Variants in ALDH1L2 observed in about 807,000 individuals in gnomAD.
The protein encoded by ALDH1L2 is mitochondrial 10-formyltetrahydrofolate dehydrogenase.
ALDH1L2 carries 91 observed loss-of-function variants against 111.0 expected under a neutral mutation model. That is an observed-to-expected ratio of 0.82 (90% CI 0.69 to 0.98). The LOEUF is 0.98. Ranked by LOEUF, ALDH1L2 falls within the 50% of genes least tolerant of loss-of-function variation. The pLI, the probability that ALDH1L2 is intolerant of heterozygous loss-of-function variation, is 0.00. For synonymous variants in ALDH1L2, 374 were observed against 392.6 expected (o/e 0.95, Z 0.56); for missense variants, 995 against 1,126.8 (o/e 0.88, Z 1.67).
At chr12:105,071,757 T>C (rs7974532) in intron 2 of ALDH1L2, among the ~76,000 whole-genome samples, 121,021 of 140,902 alleles carry the variant, frequency 0.86, 52,160 homozygotes, top group South Asian at 0.94. Flanking sequence ...CCCGGGTTCA[T>C]GCCATTCTCC....
intron 16 of ALDH1L2, 41 bp from the exon 17 acceptor site, chr12:105,039,847 A>C: frequency 9.5e-6 from 15 of 1,583,624 alleles, no homozygotes; most frequent in East Asian, 2.2e-5. Context: ...AAACATACTC[A>C]AGGCCGGGCG....
In ALDH1L2 at chr12:105,049,072, G is replaced by A. The variant is rs374653748; in HGVS notation, c.1686+836C>T. On this transcript the variant is annotated intron_variant, in intron 13 of 22. Coordinates refer to ENST00000258494, the MANE Select transcript of ALDH1L2 (RefSeq NM_001034173.4). ...ATTTTTTTTTAATTTATTTCTCCTA[G>A]GACACATATTCAAAGACAAAGTTTT... Among the ~76,000 whole-genome samples, 9 of 151,972 alleles carry A rather than the reference G, an allele frequency of 5.9e-5. No homozygotes were observed. The East Asian group carries it at 1.5e-3, about 26-fold the overall frequency.
At chr12:105,037,210 A>G (rs1389343492) in intron 18 of ALDH1L2, among the ~76,000 whole-genome samples, 2 of 151,890 alleles carry the variant, frequency 1.3e-5, no homozygotes, top group South Asian at 2.1e-4. Flanking sequence ...AACTAGGCCA[A>G]TTTTTTTTAA....
At position 105,024,248 on chromosome 12, in the gene ALDH1L2, G is replaced by A. The variant is rs1330377006; in HGVS notation, c.*176C>T. The A allele has an allele frequency of 4.6e-6, 3 of 648,074 alleles. No individual in the cohort carries two copies. The African/African-American group carries it at 5.5e-5, about 12-fold the overall frequency. 40.1% of individuals were successfully genotyped at this position (648,074 alleles called of 1,614,324 possible). On this transcript the variant is annotated 3_prime_UTR_variant, in exon 23 of 23. Coordinates refer to ENST00000258494, the MANE Select transcript of ALDH1L2 (RefSeq NM_001034173.4). ...CTCCAAATCACTGGAAGGTGTATTA[G>A]AAAATACTCAGGCACATGTGTAAAT...
intron 19 of ALDH1L2, among the ~76,000 whole-genome samples, chr12:105,032,938 T>C (rs1461358142): frequency 6.6e-6 from 1 of 152,202 alleles, no homozygotes; most frequent in East Asian, 1.9e-4. Flanking sequence ...CGAAAAATAA[T>C]CTTTACTGCA....
In ALDH1L2 at chr12:105,084,392, G is replaced by A. The variant is rs1161154851; in HGVS notation, c.45C>T (p.Gly15=). The A allele has an allele frequency of 4.0e-6, 6 of 1,502,326 alleles. No individual in the cohort carries two copies. In the African/African-American group the frequency reaches 8.6e-5, roughly 22 times the overall value. The allele number at this position is 1,502,326 out of a possible 1,614,324, so 93.1% of individuals were successfully genotyped here. ...GSQALRRFST[G]RVYFKNKLKL... ...CGCTCGCCCGGGCCGGACTCACCCG[G>A]CCAGTGGAGAAGCGCCGGAGCGCCT... The change falls in exon 1 of 23, where the codon GGC becomes GGT. Residue 15 remains glycine (G), a synonymous_variant. Coordinates refer to ENST00000258494, the MANE Select transcript of ALDH1L2 (RefSeq NM_001034173.4).
At position 105,021,183 on chromosome 12, in the gene ALDH1L2, G is replaced by A. The variant is rs1175923131; in HGVS notation, c.*3241C>T. 2.0e-5 allele frequency: 3 copies of A among 152,198 alleles called. No homozygotes were observed. Among genetic ancestry groups the A allele is most frequent in the South Asian group, 2.1e-4 (1 of 4,834 alleles). 9.4% of individuals were successfully genotyped at this position (152,198 alleles called of 1,614,324 possible). On this transcript the variant is annotated 3_prime_UTR_variant, in exon 23 of 23. Coordinates refer to ENST00000258494, the MANE Select transcript of ALDH1L2 (RefSeq NM_001034173.4). ...GTTGGACTTTGGTCTACGTGAAATG[G>A]GGGCCATTGAAAGGTTTTAAACAGA...
chr12:105,058,956 G>T (rs1876808748), intron 9 of ALDH1L2, among the ~76,000 whole-genome samples: 1 of 151,218 alleles, frequency 6.6e-6, no homozygotes, highest in African/African-American at 2.4e-5. Flanking sequence ...TATCTTGCTA[G>T]CAAAAAAAAA....
At chr12:105,034,240 G>T in intron 19 of ALDH1L2, 60 bp downstream of exon 19, 1 of 1,512,500 alleles carries the variant, frequency 6.6e-7, no homozygotes, top group Non-Finnish European at 9.1e-7. Context: ...CTAGAAGTAG[G>T]ATTTTTCAAG....
intron 1 of ALDH1L2, among the ~76,000 whole-genome samples, chr12:105,080,283 T>C (rs1238194631): frequency 6.6e-6 from 1 of 152,232 alleles, no homozygotes; most frequent in Admixed American, 6.5e-5. Context: ...ATTTATGATT[T>C]TTGCCACCCT....
chr12:105,082,517 T>G (rs1878378330), intron 1 of ALDH1L2, among the ~76,000 whole-genome samples: 1 of 152,228 alleles, frequency 6.6e-6, no homozygotes, highest in East Asian at 1.9e-4. Context: ...CCATGTTGTA[T>G]GCATCAGTAG....
intron 22 of ALDH1L2, 151 bp from the exon 23 acceptor site, chr12:105,024,630 C>T (rs1192287280): frequency 4.0e-6 from 3 of 744,820 alleles, no homozygotes; most frequent in African/African-American, 3.5e-5. Flanking sequence ...GAAGTTCATA[C>T]TAACCATCTG....
chr12:105,056,249 C>T (rs748181796), intron 10 of ALDH1L2, among the ~76,000 whole-genome samples: 6 of 152,086 alleles, frequency 3.9e-5, no homozygotes, highest in South Asian at 2.1e-4. Flanking sequence ...GAAGGCAATA[C>T]GATGAAATAC....
Position 105,052,895 on chromosome 12 carries a change from G to T in ALDH1L2, c.1324C>A (p.Pro442Thr), listed in dbSNP as rs2136078463. 2 of 1,613,800 alleles carry T rather than the reference G, an allele frequency of 1.2e-6. No homozygotes were observed. The highest frequency in any genetic ancestry group is 1.7e-4 in the Middle Eastern group (1 of 6,060). ...KEVNEIMVKMPYQCFINGQFT... is the reference protein window; with the variant it reads ...KEVNEIMVKMTYQCFINGQFT... Reference sequence around the variant, plus strand: ...TGTCCATTTATGAAACACTGGTATGGCATTTTTACCATGATTTCATTGACC... The same window carrying T: ...TGTCCATTTATGAAACACTGGTATGTCATTTTTACCATGATTTCATTGACC... The change falls in exon 11 of 23, where the codon CCA (proline) becomes ACA (threonine). Residue 442 changes from proline to threonine, a missense_variant. Transcript: ENST00000258494.
intron 1 of ALDH1L2, among the ~76,000 whole-genome samples, chr12:105,075,678 G>A (rs1298087851): frequency 6.6e-6 from 1 of 152,210 alleles, no homozygotes; most frequent in Non-Finnish European, 1.5e-5. Context: ...TGAAGCTGAA[G>A]CTATAAAGGT....
Position 105,061,076 on chromosome 12 carries a change from C to T in ALDH1L2, c.1048-4G>A, listed in dbSNP as rs1475971445. 4 of 1,612,272 alleles carry T rather than the reference C, an allele frequency of 2.5e-6. No individual in the cohort carries two copies. Among genetic ancestry groups the T allele is most frequent in the Admixed American group, 1.7e-5 (1 of 59,994 alleles). ...TTAAAATTCCAGCCCAGATGACCTACACAAAAAGGAAACTCTTATGAGGGA... is the reference window on the plus strand; with the variant it reads ...TTAAAATTCCAGCCCAGATGACCTATACAAAAAGGAAACTCTTATGAGGGA... On this transcript the variant is annotated splice_polypyrimidine_tract_variant and splice_region_variant and intron_variant, in intron 8 of 22. Coordinates refer to ENST00000258494, the MANE Select transcript of ALDH1L2 (RefSeq NM_001034173.4).
chr12:105,049,848 G>C (rs140741990), intron 13 of ALDH1L2, 60 bp downstream of exon 13: 3 of 1,533,022 alleles, frequency 2.0e-6, no homozygotes, highest in African/African-American at 2.8e-5. Flanking sequence ...CACAGTGCCT[G>C]GTACAAACTA....
chr12:105,056,032 A>G (rs973721537), intron 10 of ALDH1L2, among the ~76,000 whole-genome samples: 5 of 152,220 alleles, frequency 3.3e-5, no homozygotes, highest in African/African-American at 1.2e-4. Context: ...GATGAAAAAC[A>G]TTAATTTGCA....
At position 105,026,577 on chromosome 12, in the gene ALDH1L2, C is replaced by G. The variant is rs1565947373; in HGVS notation, c.2684G>C (p.Gly895Ala). The stretch of plus-strand genomic sequence containing the variant: ...TTTTCCAAAGCCAGATTGTTTAACT[C>G]CGCCAAATGGGGCCGCCACATCTGT... ...NKTDVAAPFG[G>A]VKQSGFGKDL... is the part of the protein sequence containing the mutation. The change falls in exon 22 of 23, where the codon GGA becomes GCA. Residue 895 changes from glycine (G) to alanine (A), a missense_variant. By Grantham distance (60) the Gly-to-Ala change is moderately conservative. Transcript: ENST00000258494. The G allele has an allele frequency of 6.2e-7, 1 of 1,614,134 alleles. No individual in the cohort carries two copies. Among genetic ancestry groups the G allele is most frequent in the Non-Finnish European group, 8.5e-7 (1 of 1,179,998 alleles).
Sources: allele counts gnomAD v4.1 joint callset (sites outside exome capture counted in the v4.1 genomes callset), GRCh38; gene constraint gnomAD v4.1.1; transcripts MANE v1.5; gene names NCBI Gene and HGNC (gene_info 2026-07-23, HGNC 2026-07-21).